The following OVOL2 variants were observed in gnomAD, a reference collection of about 807,000 sequenced individuals.
OVOL2 encodes ovo like zinc finger 2.
Under a neutral mutation model 18.1 loss-of-function variants are expected in OVOL2, and 13 were observed. The ratio of observed to expected loss-of-function variants is 0.72; its 90% confidence interval spans 0.47 to 1.14. The LOEUF (loss-of-function observed/expected upper bound fraction) is 1.14, where lower values mean the gene tolerates loss of function less well. OVOL2 is among the 50% of genes most tolerant of loss of function. The pLI is 0.00. For synonymous variants in OVOL2, 166 were observed against 162.7 expected (o/e 1.02, Z -0.16); for missense variants, 335 against 383.0 (o/e 0.87, Z 1.05).
At chr20:18,038,705 C>A (rs2036642229) in intron 3 of OVOL2, among the ~76,000 whole-genome samples, 1 of 152,098 alleles carries the variant, frequency 6.6e-6, no homozygotes, top group South Asian at 2.1e-4. Context: ...TCCATCCAGG[C>A]AGGGAATGCC....
intron 3 of OVOL2, among the ~76,000 whole-genome samples, chr20:18,035,540 T>C (rs932754646): frequency 1.3e-5 from 2 of 152,250 alleles, no homozygotes; most frequent in African/African-American, 4.8e-5. Context: ...TGGTGAAGTT[T>C]GTTCACATGA....
intron 3 of OVOL2, among the ~76,000 whole-genome samples, chr20:18,030,333 C>T (rs1020822832): frequency 6.6e-6 from 1 of 152,226 alleles, no homozygotes; most frequent in Admixed American, 6.5e-5. Flanking sequence ...AGATTAGTTG[C>T]TCCTTTCACT....
At chr20:18,049,263 G>C (rs1295678717) in intron 2 of OVOL2, among the ~76,000 whole-genome samples, 2 of 152,214 alleles carry the variant, frequency 1.3e-5, no homozygotes, top group Non-Finnish European at 2.9e-5. Flanking sequence ...GGAACATCCA[G>C]GGAGTCAGGG....
rs2036830026 is a variant in OVOL2, at chr20:18,056,711, G to A, written c.267C>T (p.Gly89=). Residue 89 remains glycine (G), a synonymous_variant, in exon 2 of 4, where the codon GGC becomes GGT. Coordinates refer to ENST00000278780, the MANE Select transcript of OVOL2 (RefSeq NM_021220.4). This position sits in a 1 kb window ranked among gnomAD's most constrained non-coding sequence, Gnocchi z 4.2. ...SETPEPGDAE[G]PDGHLATKQR... is the part of the protein sequence containing the mutation. Reference sequence around the variant, plus strand: ...GCTTGGTCGCCAGGTGTCCATCGGGGCCCTCGGCGTCGCCGGGCTCGGGGG... The same window carrying A: ...GCTTGGTCGCCAGGTGTCCATCGGGACCCTCGGCGTCGCCGGGCTCGGGGG... 2 of 1,461,936 alleles carry A rather than the reference G, an allele frequency of 1.4e-6. No individual in the cohort carries two copies. The highest frequency in any genetic ancestry group is 1.5e-5 in the African/African-American group (1 of 67,358). 90.6% of individuals were successfully genotyped at this position (1,461,936 alleles called of 1,614,324 possible).
intron 3 of OVOL2, among the ~76,000 whole-genome samples, chr20:18,026,681 C>G (rs1178142668): frequency 6.6e-6 from 1 of 152,114 alleles, no homozygotes; most frequent in African/African-American, 2.4e-5. Flanking sequence ...GCGCCGGGCC[C>G]AGGAATCTAT....
chr20:18,057,919 G>A (rs2036846417), upstream of OVOL2: 2 of 1,273,364 alleles, frequency 1.6e-6, no homozygotes, highest in South Asian at 2.1e-5. The surrounding 1 kb of genome is among the most constrained non-coding windows in gnomAD (Gnocchi z 6.3). Flanking sequence ...GGAAACTTGG[G>A]ACTGAGCATG....
intron 3 of OVOL2, among the ~76,000 whole-genome samples, chr20:18,038,892 C>A (rs927310921): frequency 1.3e-5 from 2 of 152,076 alleles, no homozygotes; most frequent in African/African-American, 2.4e-5. Flanking sequence ...ACCTCGAGAC[C>A]TCCCCTAGGC....
At chr20:18,040,650 C>T (rs2036659680) in intron 3 of OVOL2, among the ~76,000 whole-genome samples, 1 of 152,158 alleles carries the variant, frequency 6.6e-6, no homozygotes, top group Non-Finnish European at 1.5e-5. Flanking sequence ...GACAAGAGGC[C>T]AAGGGCACCC....
Position 18,056,847 on chromosome 20 carries a change from G to A in OVOL2, c.131C>T (p.Pro44Leu). The A allele has an allele frequency of 6.7e-7, 1 of 1,487,926 alleles. No individual in the cohort carries two copies. Among genetic ancestry groups the A allele is most frequent in the Non-Finnish European group, 8.9e-7 (1 of 1,127,136 alleles). 92.2% of individuals were successfully genotyped at this position (1,487,926 alleles called of 1,614,324 possible). The change falls in exon 2 of 4, where the codon CCC becomes CTC. Residue 44 changes from proline (P) to leucine (L), a missense_variant. By Grantham distance (98) the Pro-to-Leu change is moderately conservative (BLOSUM62 -3). Transcript: ENST00000278780. This position sits in a 1 kb window ranked among gnomAD's most constrained non-coding sequence, Gnocchi z 4.2. ...GCCGCCGTCGCTGCGGCAGTCCTCG[G>A]GGGGGTCGTGGAGCAGGCGGCCTAG... ...VGLGRLLHDP[P>L]EDCRSDGGSS...
upstream of OVOL2, among the ~76,000 whole-genome samples, chr20:18,058,462 T>C (rs1216433349): frequency 6.7e-6 from 1 of 148,554 alleles, no homozygotes. Flanking sequence ...TAGACCACGT[T>C]ATTTTTCTGA....
Position 18,057,693 on chromosome 20 carries a change from A to G in OVOL2, c.-59T>C. The G allele has an allele frequency of 1.1e-5, 17 of 1,496,112 alleles. No individual in the cohort carries two copies. The highest frequency in any genetic ancestry group is 1.5e-5 in the Non-Finnish European group (17 of 1,121,958). 92.7% of individuals were successfully genotyped at this position (1,496,112 alleles called of 1,614,324 possible). A position where few individuals can be genotyped will look rare whatever the true frequency, so the allele number is the denominator to read the frequency against. On this transcript the variant is annotated 5_prime_UTR_variant, in exon 1 of 4. Coordinates refer to ENST00000278780, the MANE Select transcript of OVOL2 (RefSeq NM_021220.4). This position sits in a 1 kb window ranked among gnomAD's most constrained non-coding sequence, Gnocchi z 6.3. ...CTCCCGGCTGCTCCCCGCTAGGGGC[A>G]ACGGCGGCGGCTCCGTCCCCGGCTC...
At chr20:18,038,601 T>C (rs895292518) in intron 3 of OVOL2, among the ~76,000 whole-genome samples, 2 of 152,118 alleles carry the variant, frequency 1.3e-5, no homozygotes, top group African/African-American at 4.8e-5. Flanking sequence ...ATCAGCTCAG[T>C]GTTTACTCCA....
chr20:18,049,822 G>A (rs897998979), intron 2 of OVOL2, among the ~76,000 whole-genome samples: 1 of 152,108 alleles, frequency 6.6e-6, no homozygotes, highest in Admixed American at 6.5e-5. Context: ...CAGGAGGAGG[G>A]GGCATGAACC....
At position 18,057,620 on chromosome 20, in the gene OVOL2, G is replaced by C; in HGVS notation, c.15C>G (p.Phe5Leu). 3 of 1,586,986 alleles carry C rather than the reference G, an allele frequency of 1.9e-6. No individual in the cohort carries two copies. Among genetic ancestry groups the C allele is most frequent in the Non-Finnish European group, 2.6e-6 (3 of 1,166,184 alleles). Reference sequence around the variant, plus strand: ...CCCCCAGGCTCCTCCTCTTCACCAGGAAGACTTTGGGCATGGTGGGGTCCC... The same window carrying C: ...CCCCCAGGCTCCTCCTCTTCACCAGCAAGACTTTGGGCATGGTGGGGTCCC... MPKV[F>L]LVKRRSLGVS... Residue 5 changes from phenylalanine to leucine, a missense_variant, in exon 1 of 4, where the codon TTC (phenylalanine) becomes TTG (leucine). Physicochemically the swap from Phe to Leu is conservative, Grantham distance 22. Coordinates refer to ENST00000278780, the MANE Select transcript of OVOL2 (RefSeq NM_021220.4). This position sits in a 1 kb window ranked among gnomAD's most constrained non-coding sequence, Gnocchi z 6.3.
In OVOL2 at chr20:18,029,981, A is replaced by C. The variant is rs78472234; in HGVS notation, c.512-5029T>G. Among the ~76,000 whole-genome samples the C allele has an allele frequency of 6.7e-4, 102 of 152,316 alleles. No individual in the cohort carries two copies. In the East Asian group the frequency reaches 0.019, roughly 29 times the overall value. On this transcript the variant is annotated intron_variant, in intron 3 of 3. Transcript: ENST00000278780. Reference sequence around the variant, plus strand: ...GGCGAGAGTGAGACCCTGTCTCAGAAAAACAGAAAACAAACAAACCAACCC... The same window carrying C: ...GGCGAGAGTGAGACCCTGTCTCAGACAAACAGAAAACAAACAAACCAACCC...
intron 2 of OVOL2, among the ~76,000 whole-genome samples, chr20:18,047,871 A>G (rs2036737894): frequency 2.7e-5 from 4 of 150,386 alleles, no homozygotes; most frequent in Admixed American, 6.6e-5. Flanking sequence ...AAAAAAAAAA[A>G]AAAAAAGAAA....
chr20:18,045,203 A>T (rs2036714243), intron 2 of OVOL2, among the ~76,000 whole-genome samples: 1 of 152,104 alleles, frequency 6.6e-6, no homozygotes, highest in South Asian at 2.1e-4. Context: ...CCTTGAAGGG[A>T]TTTGAAAAGA....
rs73252036 is a variant in OVOL2, at chr20:18,057,820, C to T, written c.-186G>A. 6,379 of 1,365,782 alleles carry T rather than the reference C, an allele frequency of 4.7e-3. 277 individuals are homozygous for T. In the African/African-American group the frequency reaches 0.088, roughly 19 times the overall value. The allele number at this position is 1,365,782 out of a possible 1,614,324, so 84.6% of individuals were successfully genotyped here. On this transcript the variant is annotated 5_prime_UTR_variant, in exon 1 of 4. Transcript: ENST00000278780. This position sits in a 1 kb window ranked among gnomAD's most constrained non-coding sequence, Gnocchi z 6.3. ...CCCCCGCACGCCTGGCGACTCCCAG[C>T]CTCCCGGCTCGGCGACACCTATGCC...
At chr20:18,025,127 C>T (rs949354451) in intron 3 of OVOL2, among the ~76,000 whole-genome samples, 175 bp from the exon 4 acceptor site, 7 of 152,120 alleles carry the variant, frequency 4.6e-5, no homozygotes, top group African/African-American at 1.7e-4. Flanking sequence ...CCTGAGTAAA[C>T]CTAACACAAA....
Sources: allele counts gnomAD v4.1 joint callset (sites outside exome capture counted in the v4.1 genomes callset), GRCh38; gene constraint gnomAD v4.1.1; non-coding constraint Gnocchi (gnomAD v3.1); transcripts MANE v1.5; gene names NCBI Gene and HGNC (gene_info 2026-07-23, HGNC 2026-07-21).